Variants in WASL observed in about 807,000 individuals in gnomAD.
WASL encodes the protein actin nucleation-promoting factor WASL.
WASL carries 20 observed loss-of-function variants against 55.5 expected under a neutral mutation model. The ratio of observed to expected loss-of-function variants is 0.36; its 90% CI spans 0.25 to 0.52. The LOEUF (loss-of-function observed/expected upper bound fraction) is 0.52. WASL is among the 20% of genes least tolerant of loss of function. The pLI is 0.92. For synonymous variants in WASL, 249 were observed against 217.6 expected, an observed-to-expected ratio of 1.14 and a Z score of -1.27; for missense variants, 504 against 622.5, an observed-to-expected ratio of 0.81 and a Z score of 2.03.
intron 1 of WASL, among the ~76,000 whole-genome samples, chr7:123,721,993 G>C (rs1274872215): frequency 6.6e-6 from 1 of 152,132 alleles, no homozygotes; most frequent in Non-Finnish European, 1.5e-5. Context: ...CTCCAAAGCT[G>C]GGTGGCTTTG....
At chr7:123,720,109 T>A (rs1803915833) in intron 1 of WASL, among the ~76,000 whole-genome samples, 1 of 152,190 alleles carries the variant, frequency 6.6e-6, no homozygotes, top group Non-Finnish European at 1.5e-5. Flanking sequence ...AACCAGTTTA[T>A]CATATAAGAA....
chr7:123,720,075 T>C (rs1266255838), intron 1 of WASL, among the ~76,000 whole-genome samples: 2 of 152,122 alleles, frequency 1.3e-5, no homozygotes, highest in Non-Finnish European at 2.9e-5. Context: ...AAATATATGG[T>C]TACCCCCAAA....
At chr7:123,739,794 A>G (rs1025256264) in intron 1 of WASL, among the ~76,000 whole-genome samples, 2 of 151,910 alleles carry the variant, frequency 1.3e-5, no homozygotes, top group African/African-American at 4.8e-5. Context: ...TCTCTAGGCT[A>G]TTTAAGGTTT....
intron 7 of WASL, 126 bp downstream of exon 7, chr7:123,695,697 A>C: frequency 1.2e-6 from 1 of 859,950 alleles, no homozygotes; most frequent in Non-Finnish European, 1.8e-6. Flanking sequence ...AGTTGTATAC[A>C]TACATAAAAC....
At chr7:123,704,743 T>G in intron 4 of WASL, 86 bp from the exon 5 acceptor site, 1 of 906,352 alleles carries the variant, frequency 1.1e-6, no homozygotes, top group Non-Finnish European at 1.6e-6. Context: ...AACTGTCTTA[T>G]TCCTAAATTG....
chr7:123,737,847 C>T (rs955124245), intron 1 of WASL, among the ~76,000 whole-genome samples: 2 of 152,140 alleles, frequency 1.3e-5, no homozygotes, highest in African/African-American at 4.8e-5. Flanking sequence ...GATTATTCCA[C>T]TTAACTACAA....
chr7:123,706,252 AT>A, intron 4 of WASL, 24 bp downstream of exon 4: 1 of 1,605,932 alleles, frequency 6.2e-7, no homozygotes, highest in Non-Finnish European at 8.5e-7. Flanking sequence ...TGCTGGCCTG[AT>A]TTAAGTAATT....
chr7:123,738,449 A>G (rs1584874580), intron 1 of WASL, among the ~76,000 whole-genome samples: 1 of 152,004 alleles, frequency 6.6e-6, no homozygotes, highest in South Asian at 2.1e-4. Context: ...ATCTAATCCC[A>G]CTCCCACAGC....
chr7:123,723,009 G>T (rs1216277049), intron 1 of WASL, among the ~76,000 whole-genome samples: 1 of 152,082 alleles, frequency 6.6e-6, no homozygotes, highest in Admixed American at 6.5e-5. Flanking sequence ...CCACTTATTA[G>T]CAATGTGGTT....
In WASL at chr7:123,695,874, GAAAATAGAAAA is replaced by G. The variant is rs757373535; in HGVS notation, c.630-20_630-10del. 20 of 1,609,948 alleles carry G rather than the reference GAAAATAGAAAA, an allele frequency of 1.2e-5. 1 individual carries two copies. The highest frequency in any genetic ancestry group is 8.0e-5 in the African/African-American group (6 of 74,570). On this transcript the variant is annotated splice_polypyrimidine_tract_variant and intron_variant, in intron 6 of 10. Transcript: ENST00000223023. ...CAACATGTCCAATGTGCCTGAAGTAGAAAATAGAAAAAAAATAGAAAAACAAAATGCATAAA... is the reference window on the plus strand; with the variant it reads ...CAACATGTCCAATGTGCCTGAAGTAGAAAATAGAAAAACAAAATGCATAAA...
chr7:123,688,964 T>C lies in WASL; in HGVS notation c.1456+78A>G, dbSNP rs1803346501. On this transcript the variant is annotated intron_variant, in intron 10 of 10. Transcript: ENST00000223023. Reference sequence around the variant, plus strand: ...AGACAGTCATAAAAATAACAGAACGTCAAACATTCAAATTTATTAAACACA... The same window carrying C: ...AGACAGTCATAAAAATAACAGAACGCCAAACATTCAAATTTATTAAACACA... The C allele has an allele frequency of 4.0e-6, 5 of 1,237,548 alleles. No individual in the cohort carries two copies. In the South Asian group the frequency reaches 5.1e-5, roughly 13 times the overall value. The allele number at this position is 1,237,548 out of a possible 1,614,324, so 76.7% of individuals were successfully genotyped here.
At position 123,692,511 on chromosome 7, in the gene WASL, C is replaced by T. The variant is rs1206617029; in HGVS notation, c.1183G>A (p.Gly395Arg). ...PPPPPGLPSD[G>R]DHQVPTTAGN... ...GCAGTAGTTGGAACCTGATGGTCCC[C>T]ATCAGAAGGCAGGCCAGGCGGGGGC... The change falls in exon 9 of 11, where the codon GGG becomes AGG. Residue 395 changes from glycine (G) to arginine (R), a missense_variant. Gly to Arg is a moderately radical substitution (Grantham distance 125). Around this residue, in one of 5 missense-constraint regions of WASL, gnomAD observed 201 missense variants for 206.2 expected, o/e 0.97. Coordinates refer to ENST00000223023, the MANE Select transcript of WASL (RefSeq NM_003941.4). 6.2e-7 allele frequency: 1 copy of T among 1,613,970 alleles called. No individual in the cohort carries two copies. The highest frequency in any genetic ancestry group is 1.1e-5 in the South Asian group (1 of 91,066).
At chr7:123,732,317 G>A (rs1031860324) in intron 1 of WASL, among the ~76,000 whole-genome samples, 5 of 152,120 alleles carry the variant, frequency 3.3e-5, no homozygotes, top group Admixed American at 6.5e-5. Flanking sequence ...GTGATAGAGC[G>A]AGACTCTGTC....
At chr7:123,697,143 T>C (rs1803506335) in intron 5 of WASL, among the ~76,000 whole-genome samples, 1 of 152,142 alleles carries the variant, frequency 6.6e-6, no homozygotes, top group Non-Finnish European at 1.5e-5. Flanking sequence ...TATTTTTGTT[T>C]TAAATTTAAC....
Position 123,692,419 on chromosome 7 carries a change from G to A in WASL, c.1275C>T (p.Asn425=). Residue 425 remains asparagine (N), a synonymous_variant, in exon 9 of 11, where the codon AAC becomes AAT. Transcript: ENST00000223023. ...GTCCAGAGCAGGACACTGGCCGACT[G>A]TTCTGCTCCACTTTTTTTAGCTGAG... ...EGAQLKKVEQ[N]SRPVSCSGRD... is the part of the protein sequence containing the mutation. 3 of 1,614,014 alleles carry A rather than the reference G, an allele frequency of 1.9e-6. No homozygotes were observed. The highest frequency in any genetic ancestry group is 1.3e-5 in the African/African-American group (1 of 75,000).
chr7:123,740,636 C>T (rs1173044569), intron 1 of WASL, among the ~76,000 whole-genome samples: 1 of 151,966 alleles, frequency 6.6e-6, no homozygotes, highest in Non-Finnish European at 1.5e-5. Flanking sequence ...TCCTATGTTG[C>T]CCAGGCTGGA....
At chr7:123,684,857 T>G (rs1234228789) in intron 10 of WASL, among the ~76,000 whole-genome samples, 1 of 151,988 alleles carries the variant, frequency 6.6e-6, no homozygotes, top group Non-Finnish European at 1.5e-5. Flanking sequence ...ATCATCTGGG[T>G]TGACCTTTCT....
intron 10 of WASL, among the ~76,000 whole-genome samples, chr7:123,685,763 T>C (rs1373740162): frequency 6.6e-6 from 1 of 150,906 alleles, no homozygotes; most frequent in Non-Finnish European, 1.5e-5. Context: ...AGCATACTTC[T>C]ATATTATACT....
intron 1 of WASL, among the ~76,000 whole-genome samples, chr7:123,730,034 G>A (rs1804112777): frequency 6.6e-6 from 1 of 152,062 alleles, no homozygotes; most frequent in South Asian, 2.1e-4. Flanking sequence ...TGCAAACAAG[G>A]AGAGAGTATA....
Sources: gnomAD v4.1 joint callset for allele counts (sites outside exome capture counted in the v4.1 genomes callset) on GRCh38, gnomAD v4.1.1 for gene constraint, gnomAD v4.1.1 regional missense constraint, MANE v1.5 for transcripts, NCBI Gene and HGNC (gene_info 2026-07-23, HGNC 2026-07-21) for gene names.